Variants in SETD3 observed in about 807,000 individuals in gnomAD.
SETD3 encodes actin-histidine N-methyltransferase.
In SETD3, 19 loss-of-function variants were observed where a neutral mutation model predicts 63.0. The observed-to-expected ratio is 0.30, with a 90% CI of 0.21 to 0.44. The LOEUF is 0.44. SETD3 is among the 20% of genes least tolerant of loss of function. The pLI, the probability that SETD3 is intolerant of heterozygous loss-of-function variation, is 1.00. For missense variants in SETD3, 587 were observed against 728.5 expected, an observed-to-expected ratio of 0.81 and a Z score of 2.24; for synonymous variants, 286 against 264.1, an observed-to-expected ratio of 1.08 and a Z score of -0.80.
At chr14:99,434,077 G>A (rs953297446) in intron 6 of SETD3, among the ~76,000 whole-genome samples, 4 of 152,176 alleles carry the variant, frequency 2.6e-5, no homozygotes, top group Non-Finnish European at 5.9e-5. Context: ...AGAAATGAAT[G>A]TATATGTCCA....
At chr14:99,469,944 C>T (rs1895608164) in intron 1 of SETD3, among the ~76,000 whole-genome samples, 1 of 152,180 alleles carries the variant, frequency 6.6e-6, no homozygotes, top group African/African-American at 2.4e-5. Flanking sequence ...TATTCTTAAA[C>T]TTCATATAAG....
At chr14:99,450,515 T>C (rs1286274315) in intron 6 of SETD3, among the ~76,000 whole-genome samples, 1 of 152,220 alleles carries the variant, frequency 6.6e-6, no homozygotes, top group Non-Finnish European at 1.5e-5. Flanking sequence ...GTTGTGAACA[T>C]GGCTGCTTGT....
chr14:99,441,311 C>G (rs1465041089), intron 6 of SETD3, among the ~76,000 whole-genome samples: 1 of 152,192 alleles, frequency 6.6e-6, no homozygotes, highest in Non-Finnish European at 1.5e-5. Flanking sequence ...TCACAGCCCT[C>G]AGAGAGCCTG....
chr14:99,404,323 G>GA lies in SETD3; in HGVS notation c.1092-14dup. 6.2e-7 allele frequency: 1 copy of GA among 1,612,896 alleles called. No individual in the cohort carries two copies. Among genetic ancestry groups the GA allele is most frequent in the Middle Eastern group, 1.7e-4 (1 of 6,060 alleles). On this transcript the variant is annotated splice_polypyrimidine_tract_variant and intron_variant, in intron 10 of 12. Transcript: ENST00000331768. ...AAAAACACTGGAACTGATAAAAGCA[G>GA]AAAGCAAGATCAGTCACCCTGCTGC...
intron 9 of SETD3, among the ~76,000 whole-genome samples, 179 bp downstream of exon 9, chr14:99,406,337 G>C (rs1051510648): frequency 6.6e-6 from 1 of 152,200 alleles, no homozygotes; most frequent in African/African-American, 2.4e-5. Context: ...AGTGAGTAAA[G>C]CACAAGTGAA....
chr14:99,400,388 A>C, intron 11 of SETD3, 129 bp from the exon 12 acceptor site: 3 of 981,068 alleles, frequency 3.1e-6, no homozygotes, highest in Non-Finnish European at 4.5e-6. Flanking sequence ...GTCCCTACGC[A>C]ATGGGCCAGG....
intron 6 of SETD3, among the ~76,000 whole-genome samples, chr14:99,434,553 C>G (rs879714685): frequency 2.0e-5 from 3 of 152,046 alleles, no homozygotes; most frequent in Non-Finnish European, 4.4e-5. Context: ...TACTTGAGTA[C>G]AAAAACTAAC....
At chr14:99,447,186 T>G (rs1405537586) in intron 6 of SETD3, among the ~76,000 whole-genome samples, 2 of 152,124 alleles carry the variant, frequency 1.3e-5, no homozygotes, top group Admixed American at 1.3e-4. Context: ...CTGGCCAGGC[T>G]GGTCTTAAAC....
chr14:99,421,754 T>C (rs1164858257), intron 6 of SETD3, among the ~76,000 whole-genome samples: 1 of 152,126 alleles, frequency 6.6e-6, no homozygotes, highest in Non-Finnish European at 1.5e-5. Context: ...ATGAGGAAAC[T>C]GAGGGAGACA....
chr14:99,401,649 A>G (rs550251806), intron 11 of SETD3, among the ~76,000 whole-genome samples: 3 of 152,354 alleles, frequency 2.0e-5, no homozygotes, highest in Non-Finnish European at 4.4e-5. Flanking sequence ...ATTTGTTAGT[A>G]AAGATCATGA....
At chr14:99,483,568 A>G (rs1896409699), upstream of SETD3, among the ~76,000 whole-genome samples, 1 of 152,236 alleles carries the variant, frequency 6.6e-6, no homozygotes, top group South Asian at 2.1e-4. Flanking sequence ...GCCAGGTGAC[A>G]CAAATCATAT....
At chr14:99,459,217 C>T (rs753555818) in intron 4 of SETD3, 32 bp from the exon 5 acceptor site, 46 of 1,476,736 alleles carry the variant, frequency 3.1e-5, no homozygotes, top group Non-Finnish European at 2.3e-5. Flanking sequence ...GGAGAATCAT[C>T]AAAACACGGT....
intron 6 of SETD3, among the ~76,000 whole-genome samples, chr14:99,455,962 C>T (rs1237369021): frequency 6.6e-6 from 1 of 152,242 alleles, no homozygotes; most frequent in Non-Finnish European, 1.5e-5. Context: ...CAAGACCAGC[C>T]TCGCCAACGT....
intron 8 of SETD3, chr14:99,410,117 G>C: frequency 7.4e-7 from 1 of 1,349,668 alleles, no homozygotes. Flanking sequence ...GCTCAGGGCA[G>C]CCACGCTGGA....
chr14:99,421,660 G>A (rs950504394), intron 6 of SETD3, among the ~76,000 whole-genome samples: 7 of 151,966 alleles, frequency 4.6e-5, no homozygotes, highest in African/African-American at 1.4e-4. Context: ...GCTCTGTGCC[G>A]GGCACTCTAT....
chr14:99,398,795 T>G lies in SETD3; in HGVS notation c.1669A>C (p.Asn557His). The G allele has an allele frequency of 6.2e-7, 1 of 1,614,192 alleles. No individual in the cohort carries two copies. Among genetic ancestry groups the G allele is most frequent in the Non-Finnish European group, 8.5e-7 (1 of 1,180,028 alleles). The change falls in exon 13 of 13, where the codon AAC becomes CAC. Residue 557 changes from asparagine (N) to histidine (H), a missense_variant. Coordinates refer to ENST00000331768, the MANE Select transcript of SETD3 (RefSeq NM_032233.3). ...ATENGLVNGE[N>H]SIPNGTRSEN... ...GACCTGGTCCCATTAGGGATAGAGT[T>G]TTCACCGTTTACAAGCCCGTTTTCT...
rs34626094 is a variant in SETD3, at chr14:99,468,156, T to TAA, written c.-8-2345_-8-2344dup. Among the ~76,000 whole-genome samples the TAA allele has an allele frequency of 1.6e-3, 210 of 131,910 alleles. 1 individual carries two copies. The highest frequency in any genetic ancestry group is 9.8e-3 in the East Asian group (45 of 4,592). 86.5% of individuals were successfully genotyped at this position (131,910 alleles called of 152,430 possible). A position where few individuals can be genotyped will look rare whatever the true frequency, so the allele number is the denominator to read the frequency against. On this transcript the variant is annotated intron_variant, in intron 1 of 12. Transcript: ENST00000331768. Reference sequence around the variant, plus strand: ...CACTGCCTCTGTTTAAATACAGATTTAAAAAAAAAAAAAAAAAAGTACATG... The same window carrying TAA: ...CACTGCCTCTGTTTAAATACAGATTTAAAAAAAAAAAAAAAAAAAAGTACATG...
chr14:99,473,737 T>C (rs1459509714), intron 1 of SETD3, among the ~76,000 whole-genome samples: 1 of 152,180 alleles, frequency 6.6e-6, no homozygotes, highest in Non-Finnish European at 1.5e-5. Context: ...TAAAATACTT[T>C]GCCGGCCATC....
intron 1 of SETD3, among the ~76,000 whole-genome samples, chr14:99,474,544 G>A (rs1566738191): frequency 2.0e-5 from 3 of 152,178 alleles, no homozygotes; most frequent in Admixed American, 6.5e-5. Context: ...GCTGTCCCAT[G>A]TAAGTATTAT....
Sources: gnomAD v4.1 joint callset for allele counts (sites outside exome capture counted in the v4.1 genomes callset) on GRCh38, gnomAD v4.1.1 for gene constraint, MANE v1.5 for transcripts, NCBI Gene and HGNC (gene_info 2026-07-23, HGNC 2026-07-21) for gene names.